Variants in SPEF2 observed in about 807,000 individuals in gnomAD.
The protein encoded by SPEF2 is sperm flagellar and cilia associated 2, also known as sperm flagella and cilia-associated protein 2.
Under a neutral mutation model 224.6 loss-of-function variants are expected in SPEF2, and 187 were observed. The observed-to-expected ratio is 0.83, with a 90% CI of 0.74 to 0.94. SPEF2 has a LOEUF of 0.94. Ranked by LOEUF, SPEF2 falls within the 40% of genes least tolerant of loss-of-function variation. The pLI is 0.00. For missense variants in SPEF2, 2,170 were observed against 2,135.6 expected (o/e 1.02, Z -0.32); for synonymous variants, 715 against 707.3 (o/e 1.01, Z -0.17).
chr5:35,620,496 G>A (rs1200113074), intron 1 of SPEF2, among the ~76,000 whole-genome samples: 1 of 152,068 alleles, frequency 6.6e-6, no homozygotes, highest in South Asian at 2.1e-4. Flanking sequence ...TAGCACTTTG[G>A]ACATAAATGC....
At chr5:35,632,398 A>T (rs1266366349) in intron 2 of SPEF2, among the ~76,000 whole-genome samples, 1 of 152,158 alleles carries the variant, frequency 6.6e-6, no homozygotes, top group Non-Finnish European at 1.5e-5. Flanking sequence ...TAAAACCATC[A>T]TATCTCATGA....
chr5:35,686,117 A>G (rs1753576908), intron 10 of SPEF2, among the ~76,000 whole-genome samples: 1 of 152,096 alleles, frequency 6.6e-6, no homozygotes, highest in African/African-American at 2.4e-5. Context: ...ACATAATACA[A>G]GTGCTAATAG....
chr5:35,806,849 A>G lies in SPEF2; in HGVS notation c.5153A>G (p.Lys1718Arg). Reference sequence around the variant, plus strand: ...ATCCCTGAAAATGCAAACAATGAAAAGATGTCCATGGAAACACTACTCAAA... The same window carrying G: ...ATCCCTGAAAATGCAAACAATGAAAGGATGTCCATGGAAACACTACTCAAA... ...EEIPENANNEKMSMETLLKVF... is the reference protein window; with the variant it reads ...EEIPENANNERMSMETLLKVF... The change falls in exon 35 of 37, where the codon AAG becomes AGG. Residue 1718 changes from lysine to arginine, a missense_variant. Lys to Arg is a conservative substitution (Grantham distance 26, BLOSUM62 2). Coordinates refer to ENST00000356031, the MANE Select transcript of SPEF2 (RefSeq NM_024867.4). 3 of 1,614,110 alleles carry G rather than the reference A, an allele frequency of 1.9e-6. No individual in the cohort carries two copies. The highest frequency in any genetic ancestry group is 2.5e-6 in the Non-Finnish European group (3 of 1,179,990).
intron 1 of SPEF2, among the ~76,000 whole-genome samples, chr5:35,623,263 G>A (rs1035648871): frequency 6.6e-6 from 1 of 152,230 alleles, no homozygotes; most frequent in African/African-American, 2.4e-5. Context: ...ACCACAGCCT[G>A]ATAGGGCCAT....
chr5:35,772,563 C>G (rs369944124), intron 27 of SPEF2, among the ~76,000 whole-genome samples: 10 of 152,020 alleles, frequency 6.6e-5, no homozygotes, highest in East Asian at 3.9e-4. Flanking sequence ...GAAGATGCTT[C>G]TTAGATAGAG....
chr5:35,652,549 G>A (rs551367313), intron 6 of SPEF2, among the ~76,000 whole-genome samples: 11 of 152,190 alleles, frequency 7.2e-5, no homozygotes, highest in African/African-American at 1.4e-4. Flanking sequence ...GTTGAGCCCC[G>A]GCTGATAAAA....
At chr5:35,793,440 G>C in intron 32 of SPEF2, 99 bp downstream of exon 32, 1 of 1,236,906 alleles carries the variant, frequency 8.1e-7, no homozygotes. Context: ...TCAGGCCAGT[G>C]CATTGCTTCT....
intron 19 of SPEF2, chr5:35,709,666 G>A (rs1740706531): frequency 1.0e-6 from 1 of 985,156 alleles, no homozygotes; most frequent in Non-Finnish European, 1.2e-6. Context: ...CAGAGATAAA[G>A]AGCCTAGATA....
chr5:35,735,659 G>A (rs569591618), intron 21 of SPEF2, among the ~76,000 whole-genome samples: 31 of 152,142 alleles, frequency 2.0e-4, no homozygotes, highest in Non-Finnish European at 7.4e-5. Flanking sequence ...GAATAAATGC[G>A]CAGCCAATAA....
intron 1 of SPEF2, among the ~76,000 whole-genome samples, chr5:35,622,729 T>A (rs1419047404): frequency 1.3e-5 from 2 of 152,144 alleles, no homozygotes; most frequent in Non-Finnish European, 2.9e-5. Flanking sequence ...CTCGCAGCGT[T>A]TTTCTTGATT....
intron 16 of SPEF2, among the ~76,000 whole-genome samples, chr5:35,701,363 G>T (rs1287454957): frequency 6.6e-6 from 1 of 152,060 alleles, no homozygotes; most frequent in African/African-American, 2.4e-5. Flanking sequence ...TTACCTTATT[G>T]TTCTAAGCCT....
chr5:35,768,031 GGTT>G (rs1250742801), intron 26 of SPEF2, among the ~76,000 whole-genome samples: 1 of 151,782 alleles, frequency 6.6e-6, no homozygotes, highest in Non-Finnish European at 1.5e-5. Context: ...GTATCTAGGT[GGTT>G]GTTGTTATTG....
At chr5:35,624,042 C>T (rs1477616200) in intron 1 of SPEF2, among the ~76,000 whole-genome samples, 3 of 152,218 alleles carry the variant, frequency 2.0e-5, no homozygotes, top group African/African-American at 4.8e-5. Flanking sequence ...GAATCTTTCT[C>T]CAGAACCTGT....
rs1390290068 is a variant in SPEF2 at position 35,704,619 on chromosome 5, G to A, written c.2464G>A (p.Asp822Asn). Residue 822 changes from aspartate (D) to asparagine (N), a missense_variant, in exon 17 of 37, where the codon GAT (aspartate) becomes AAT (asparagine). Coordinates refer to ENST00000356031, the MANE Select transcript of SPEF2 (RefSeq NM_024867.4). ...TCAACGTGTAGCTGCTGAAAACCAA[G>A]ATAAGGATGGAGACCAAAATTTAAG... The part of the protein sequence containing the change: ...ISQRVAAENQ[D>N]KDGDQNLRDQ... The A allele has an allele frequency of 5.6e-6, 9 of 1,612,806 alleles. No individual in the cohort carries two copies. Among genetic ancestry groups the A allele is most frequent in the Non-Finnish European group, 6.8e-6 (8 of 1,179,302 alleles).
At chr5:35,649,634 A>G (rs937650603) in intron 6 of SPEF2, among the ~76,000 whole-genome samples, 3 of 152,240 alleles carry the variant, frequency 2.0e-5, no homozygotes, top group Admixed American at 2.0e-4. Flanking sequence ...AGAGACTATT[A>G]CGAAATGTAA....
At chr5:35,623,687 A>G (rs1160080584) in intron 1 of SPEF2, among the ~76,000 whole-genome samples, 2 of 152,252 alleles carry the variant, frequency 1.3e-5, no homozygotes, top group Non-Finnish European at 2.9e-5. Context: ...GTGGACCTGT[A>G]TATGAATGCC....
At chr5:35,775,937 C>T (rs1391747063) in intron 28 of SPEF2, among the ~76,000 whole-genome samples, 7 of 152,226 alleles carry the variant, frequency 4.6e-5, no homozygotes, top group East Asian at 1.9e-4. Context: ...GAGATAAGCA[C>T]GGTCCCCACT....
intron 10 of SPEF2, chr5:35,670,443 G>A: frequency 1.7e-6 from 2 of 1,181,540 alleles, no homozygotes; most frequent in Non-Finnish European, 2.1e-6. Flanking sequence ...TAGGGGAGTG[G>A]TCTGAAAAAA....
intron 23 of SPEF2, among the ~76,000 whole-genome samples, chr5:35,750,955 C>A (rs1749306139): frequency 7.4e-6 from 1 of 134,614 alleles, no homozygotes; most frequent in Non-Finnish European, 1.6e-5. Flanking sequence ...AAATACCCAT[C>A]AGTCAGTGAG....
Sources: allele counts gnomAD v4.1 joint callset (sites outside exome capture counted in the v4.1 genomes callset), GRCh38; gene constraint gnomAD v4.1.1; transcripts MANE v1.5; gene names NCBI Gene and HGNC (gene_info 2026-07-23, HGNC 2026-07-21).